The following LAMB1 variants were observed in gnomAD, a reference collection of about 807,000 sequenced individuals.
LAMB1 encodes laminin subunit beta-1.
Under a neutral mutation model 222.3 loss-of-function variants are expected in LAMB1, and 121 were observed. That is an observed-to-expected ratio of 0.54 (90% confidence interval 0.47 to 0.63). The LOEUF (loss-of-function observed/expected upper bound fraction) is 0.63. LAMB1 is among the 30% of genes least tolerant of loss of function. LAMB1 has a pLI of 0.00. For synonymous variants in LAMB1, 794 were observed against 807.2 expected, an observed-to-expected ratio of 0.98 and a Z score of 0.28; for missense variants, 2,172 against 2,240.8, an observed-to-expected ratio of 0.97 and a Z score of 0.62.
chr7:107,997,360 T>C (rs1337044776), intron 4 of LAMB1, among the ~76,000 whole-genome samples: 3 of 152,028 alleles, frequency 2.0e-5, no homozygotes, highest in Non-Finnish European at 4.4e-5. Flanking sequence ...GACGTGGAGG[T>C]TGCAGTAAGC....
chr7:107,932,462 A>G (rs1348079031), intron 27 of LAMB1, 85 bp from the exon 28 acceptor site: 1 of 1,348,798 alleles, frequency 7.4e-7, no homozygotes, highest in Non-Finnish European at 1.1e-6. Context: ...GGGTGGCCCC[A>G]GAGAATGTGT....
intron 31 of LAMB1, among the ~76,000 whole-genome samples, chr7:107,928,212 T>C (rs2116316355): frequency 6.6e-6 from 1 of 152,314 alleles, no homozygotes; most frequent in South Asian, 2.1e-4. Context: ...GTAGTCACAG[T>C]ATATTTCTTA....
chr7:107,970,569 G>C (rs990959131), intron 13 of LAMB1, among the ~76,000 whole-genome samples: 1 of 150,504 alleles, frequency 6.6e-6, no homozygotes, highest in Admixed American at 6.6e-5. Context: ...TAATCTTGAA[G>C]GATGCTGTAA....
intron 31 of LAMB1, 102 bp from the exon 32 acceptor site, chr7:107,926,461 C>T (rs887287199): frequency 2.2e-6 from 2 of 898,618 alleles, no homozygotes. Flanking sequence ...TGCCATTTTG[C>T]TCTAGACCAA....
Position 107,955,594 on chromosome 7 carries a change from C to T in LAMB1, c.2727G>A (p.Gly909=). Residue 909 remains glycine, a synonymous_variant, in exon 21 of 34, where the codon GGG becomes GGA. Transcript: ENST00000222399. ...GGCAAGGGCGGCAGTGATCTCCTGA[C>T]CCAATGATGGGGTCGCCATAGTAAC... The part of the protein sequence containing the change: ...LAGYYGDPII[G]SGDHCRPCPC... 6.2e-7 allele frequency: 1 copy of T among 1,613,926 alleles called. No individual in the cohort carries two copies.
At position 107,961,278 on chromosome 7, in the gene LAMB1, C is replaced by T. The variant is rs200004640; in HGVS notation, c.2037G>A (p.Thr679=). 10 of 1,614,056 alleles carry T rather than the reference C, an allele frequency of 6.2e-6. No individual in the cohort carries two copies. The highest frequency in any genetic ancestry group is 4.5e-5 in the East Asian group (2 of 44,882). The stretch of plus-strand genomic sequence containing the variant: ...TGTACTGAGGCAGCTCCAACCTCAC[C>T]GTGTAGTTTGTTCCCTTCTCAAAGC... The part of the protein sequence containing the change: ...PVCFEKGTNY[T]VRLELPQYTS... Residue 679 remains threonine (T), a synonymous_variant, in exon 17 of 34, where the codon ACG becomes ACA. Transcript: ENST00000222399.
chr7:107,994,315 C>T (rs1267583586), intron 5 of LAMB1, among the ~76,000 whole-genome samples: 3 of 152,198 alleles, frequency 2.0e-5, no homozygotes, highest in African/African-American at 4.8e-5. Flanking sequence ...GAAGGCATTA[C>T]ACATTTCTTA....
chr7:107,986,282 C>G lies in LAMB1; in HGVS notation c.505G>C (p.Asp169His). Residue 169 changes from aspartate to histidine, a missense_variant, in exon 6 of 34, where the codon GAC becomes CAC. Asp to His is a moderately conservative substitution (Grantham distance 81). Transcript: ENST00000222399. ...ATGCCTGGAAACGAGGCCTCACAGT[C>G]ATAGGCGAAGTATCTATACACACCC... ...TWGVYRYFAY[D>H]CEASFPGIST... 1 of 1,614,146 alleles carries G rather than the reference C, an allele frequency of 6.2e-7. No individual in the cohort carries two copies.
chr7:107,961,001 GT>G (rs1031460421), intron 17 of LAMB1, among the ~76,000 whole-genome samples: 2 of 152,048 alleles, frequency 1.3e-5, no homozygotes, highest in African/African-American at 2.4e-5. Flanking sequence ...GTGAAATGCT[GT>G]TTTTTTTAAA....
In LAMB1 at chr7:107,952,070, C is replaced by G. The variant is rs757119614; in HGVS notation, c.3233G>C (p.Gly1078Ala). The change falls in exon 23 of 34, where the codon GGC (glycine) becomes GCC (alanine). Residue 1078 changes from glycine to alanine, a missense_variant. Physicochemically the swap from Gly to Ala is moderately conservative, Grantham distance 60. Transcript: ENST00000222399. ...GCAGTTGCATGGGTCACAGCCAGTGCCACTGGCCAGCTGCCAGGTATTGGG... is the reference window on the plus strand; with the variant it reads ...GCAGTTGCATGGGTCACAGCCAGTGGCACTGGCCAGCTGCCAGGTATTGGG... ...CAPNTWQLAS[G>A]TGCDPCNCNA... 34 of 1,613,978 alleles carry G rather than the reference C, an allele frequency of 2.1e-5. No individual in the cohort carries two copies. In the Admixed American group the frequency reaches 5.7e-4, roughly 27 times the overall value.
rs374258176 is a variant in LAMB1, at chr7:107,932,167, G to C, written c.4392+7C>G. ...ATAACAAAAACTGAGGCCATCCACT[G>C]AGTTACCATCTTGGAGAGCTGTTCC... is the stretch of plus-strand genomic sequence containing the variant. On this transcript the variant is annotated splice_region_variant and intron_variant, in intron 28 of 33. Transcript: ENST00000222399. 28 of 1,613,718 alleles carry C rather than the reference G, an allele frequency of 1.7e-5. No individual in the cohort carries two copies. Among genetic ancestry groups the C allele is most frequent in the Non-Finnish European group, 2.4e-5 (28 of 1,179,704 alleles).
intron 27 of LAMB1, among the ~76,000 whole-genome samples, chr7:107,933,953 T>G (rs955081065): frequency 4.6e-5 from 7 of 152,056 alleles, no homozygotes; most frequent in African/African-American, 1.7e-4. Context: ...AGCTGTTTCT[T>G]GTAGGTCACA....
chr7:107,937,941 A>G (rs902371972), intron 25 of LAMB1, among the ~76,000 whole-genome samples: 3 of 152,196 alleles, frequency 2.0e-5, no homozygotes, highest in African/African-American at 7.2e-5. Flanking sequence ...CTGTACTTTC[A>G]AACCTACAAA....
chr7:108,002,488 A>C, intron 2 of LAMB1: 2 of 1,208,964 alleles, frequency 1.7e-6, no homozygotes, highest in Non-Finnish European at 2.2e-6. Flanking sequence ...CTCCTGGGCA[A>C]TGGATTTTTG....
At chr7:107,932,636 C>T (rs1017940163) in intron 27 of LAMB1, 3 of 526,986 alleles carry the variant, frequency 5.7e-6, no homozygotes, top group Non-Finnish European at 1.0e-5. Flanking sequence ...ACTATATGAG[C>T]TCTGCCCAGG....
At chr7:107,963,917 G>C (rs1410456272) in intron 14 of LAMB1, among the ~76,000 whole-genome samples, 1 of 152,194 alleles carries the variant, frequency 6.6e-6, no homozygotes, top group Middle Eastern at 3.2e-3. Context: ...TGACCAACAT[G>C]ATGAAACCCC....
At chr7:107,947,479 T>C (rs1424275466) in intron 24 of LAMB1, among the ~76,000 whole-genome samples, 1 of 152,166 alleles carries the variant, frequency 6.6e-6, no homozygotes, top group African/African-American at 2.4e-5. Flanking sequence ...TCTGGGCCCA[T>C]CCCTTCAGAA....
chr7:108,002,706 G>T lies in LAMB1; in HGVS notation c.37+143C>A, dbSNP rs367609736. 2.5e-6 allele frequency: 3 copies of T among 1,182,490 alleles called. No homozygotes were observed. In the African/African-American group the frequency reaches 4.7e-5, roughly 18 times the overall value. 73.2% of individuals were successfully genotyped at this position (1,182,490 alleles called of 1,614,324 possible). On this transcript the variant is annotated intron_variant, in intron 2 of 33. Coordinates refer to ENST00000222399, the MANE Select transcript of LAMB1 (RefSeq NM_002291.3). ...CAGCCACCACCGAAGCAAGGGCGGT[G>T]GCGTTTAATCCCAGGGGCGTCATTT...
At chr7:107,979,527 T>C (rs922183278) in intron 8 of LAMB1, among the ~76,000 whole-genome samples, 6 of 152,200 alleles carry the variant, frequency 3.9e-5, no homozygotes, top group African/African-American at 7.2e-5. Flanking sequence ...CTATCACCAA[T>C]AGTTGGTCTA....
Sources: allele counts gnomAD v4.1 joint callset (sites outside exome capture counted in the v4.1 genomes callset), GRCh38; gene constraint gnomAD v4.1.1; transcripts MANE v1.5; gene names NCBI Gene and HGNC (gene_info 2026-07-23, HGNC 2026-07-21).